Variants in KDM2B observed in about 807,000 individuals in gnomAD.
KDM2B encodes the protein lysine demethylase 2B, also known as lysine-specific demethylase 2B.
In KDM2B, 26 loss-of-function variants were observed where a neutral mutation model predicts 150.0. The ratio of observed to expected loss-of-function variants is 0.17; its 90% CI spans 0.13 to 0.24. The LOEUF is 0.24. KDM2B is among the 10% of genes least tolerant of loss of function. The pLI is 1.00. For synonymous variants in KDM2B, 734 were observed against 729.5 expected (o/e 1.01, Z -0.10); for missense variants, 1,265 against 1,816.9 (o/e 0.70, Z 5.52).
At chr12:121,571,017 G>GAAGT in intron 4 of KDM2B, among the ~76,000 whole-genome samples, 1 of 152,326 alleles carries the variant, frequency 6.6e-6, no homozygotes, top group Non-Finnish European at 1.5e-5. Flanking sequence ...GAAAGAGAGT[G>GAAGT]AAGTACTGCC....
intron 14 of KDM2B, 99 bp downstream of exon 14, chr12:121,445,158 CTCAGGGGTCCTCCAGGAA>C: frequency 8.0e-7 from 1 of 1,254,572 alleles, no homozygotes; most frequent in Non-Finnish European, 1.1e-6. Flanking sequence ...ATCACCCAGA[CTCAGGGGTCCTCCAGGAA>C]TTCACTGCAC....
chr12:121,563,302 GTC>G (rs1480924241), intron 4 of KDM2B, among the ~76,000 whole-genome samples: 1 of 151,712 alleles, frequency 6.6e-6, no homozygotes, highest in East Asian at 1.9e-4. Context: ...GTGAGATGCT[GTC>G]TCAAAAAAAC....
At chr12:121,510,375 A>C (rs1480401815) in intron 10 of KDM2B, among the ~76,000 whole-genome samples, 1 of 151,834 alleles carries the variant, frequency 6.6e-6, no homozygotes, top group Non-Finnish European at 1.5e-5. Flanking sequence ...TCCCGGGTTC[A>C]AGTGATCCTC....
At chr12:121,530,014 G>A (rs1555307575) in intron 8 of KDM2B, among the ~76,000 whole-genome samples, 2 of 151,258 alleles carry the variant, frequency 1.3e-5, no homozygotes, top group African/African-American at 4.9e-5. Context: ...AGATCATGAG[G>A]TCAGGAGATC....
chr12:121,451,307 T>G (rs1324470606), intron 13 of KDM2B, among the ~76,000 whole-genome samples: 3 of 152,228 alleles, frequency 2.0e-5, no homozygotes. Flanking sequence ...TATTTTATTG[T>G]GAGAATACAG....
chr12:121,574,672 C>G, intron 3 of KDM2B, 79 bp from the exon 4 acceptor site: 1 of 1,324,742 alleles, frequency 7.5e-7, no homozygotes, highest in Non-Finnish European at 1.1e-6. Flanking sequence ...GGGGGGAAGC[C>G]ATTTTTCCAA....
In KDM2B at chr12:121,453,778, G is replaced by T. The variant is rs1295748787; in HGVS notation, c.1735-434C>A. Among the ~76,000 whole-genome samples, 1 of 152,138 alleles carries T rather than the reference G, an allele frequency of 6.6e-6. No homozygotes were observed. The highest frequency in any genetic ancestry group is 1.5e-5 in the Non-Finnish European group (1 of 68,016). ...CCCGCCAGCCCACACCTTGACTTCA[G>T]ACTCCTGGCCTCCAGAACCGGGAGA... is the stretch of plus-strand genomic sequence containing the variant. On this transcript the variant is annotated intron_variant, in intron 12 of 22. Coordinates refer to ENST00000377071, the MANE Select transcript of KDM2B (RefSeq NM_032590.5). This position sits in a 1 kb window ranked among gnomAD's most constrained non-coding sequence, Gnocchi z 6.4.
chr12:121,469,765 CA>C (rs1163930846), intron 12 of KDM2B: 1 of 152,026 alleles, frequency 6.6e-6, no homozygotes, highest in Non-Finnish European at 1.5e-5. Flanking sequence ...GTCAAGCCTA[CA>C]GGGGTATAGA....
chr12:121,487,662 A>T (rs1414873097), intron 12 of KDM2B, among the ~76,000 whole-genome samples: 3 of 152,038 alleles, frequency 2.0e-5, no homozygotes, highest in African/African-American at 7.2e-5. Context: ...ACCCTGACCC[A>T]GTAGAGAACC....
At chr12:121,450,398 A>C (rs1384612395) in intron 13 of KDM2B, among the ~76,000 whole-genome samples, 3 of 152,046 alleles carry the variant, frequency 2.0e-5, no homozygotes. Flanking sequence ...TTCTCCAAAG[A>C]AGACAGACAA....
chr12:121,506,070 C>T (rs1175628038), intron 11 of KDM2B, among the ~76,000 whole-genome samples: 1 of 148,074 alleles, frequency 6.8e-6, no homozygotes, highest in South Asian at 2.2e-4. Flanking sequence ...AGTGCAGTGG[C>T]GCACTCATAG....
intron 11 of KDM2B, among the ~76,000 whole-genome samples, chr12:121,505,634 G>C (rs1192117029): frequency 6.6e-6 from 1 of 152,082 alleles, no homozygotes; most frequent in African/African-American, 2.4e-5. Flanking sequence ...GTTGAATTGG[G>C]GGCTGTCTCC....
chr12:121,527,278 A>C (rs1397312337), intron 8 of KDM2B, among the ~76,000 whole-genome samples: 1 of 138,986 alleles, frequency 7.2e-6, no homozygotes, highest in Non-Finnish European at 1.5e-5. Context: ...GGATGGTCTC[A>C]ATCTCCTGAT....
At position 121,467,402 on chromosome 12, in the gene KDM2B, G is replaced by C. The variant is rs1372632252; in HGVS notation, c.1735-14058C>G. 4.2e-6 allele frequency: 4 copies of C among 952,762 alleles called. No individual in the cohort carries two copies. The highest frequency in any genetic ancestry group is 5.0e-6 in the Non-Finnish European group (4 of 802,750). 59.0% of individuals were successfully genotyped at this position (952,762 alleles called of 1,614,324 possible). A position where few individuals can be genotyped will look rare whatever the true frequency, so the allele number is the denominator to read the frequency against. The stretch of plus-strand genomic sequence containing the variant: ...CTGGAGGGGGCGGGGAGGGGCCGGC[G>C]GGGGAGGGCCGGGGCGCCATGCATA... On this transcript the variant is annotated intron_variant, in intron 12 of 22. Transcript: ENST00000377071. This position sits in a 1 kb window ranked among gnomAD's most constrained non-coding sequence, Gnocchi z 5.1.
intron 11 of KDM2B, among the ~76,000 whole-genome samples, chr12:121,495,860 C>T (rs11065598): frequency 0.22 from 33,775 of 151,622 alleles, 6,759 homozygotes; most frequent in African/African-American, 0.54. Flanking sequence ...GATGGAGTCA[C>T]GTGGCCAAAT....
At chr12:121,495,680 A>G (rs1883860795) in intron 11 of KDM2B, among the ~76,000 whole-genome samples, 1 of 152,308 alleles carries the variant, frequency 6.6e-6, no homozygotes, top group Admixed American at 6.5e-5. Context: ...CTACGTACTC[A>G]GCGAAGCAAA....
In KDM2B at chr12:121,452,209, G is replaced by A. The variant is rs1877404726; in HGVS notation, c.1959+911C>T. On this transcript the variant is annotated intron_variant, in intron 13 of 22. Coordinates refer to ENST00000377071, the MANE Select transcript of KDM2B (RefSeq NM_032590.5). This position sits in a 1 kb window ranked among gnomAD's most constrained non-coding sequence, Gnocchi z 4.4. ...AGTTTCAGTTTTGCAAAATGAAAAA[G>A]TTCTAGGGATCAGCTTCCCAAAAAC... is the stretch of plus-strand genomic sequence containing the variant. 6.6e-6 allele frequency among the ~76,000 whole-genome samples: 1 copy of A among 152,178 alleles called. No individual in the cohort carries two copies. Among genetic ancestry groups the A allele is most frequent in the Non-Finnish European group, 1.5e-5 (1 of 68,024 alleles).
intron 12 of KDM2B, among the ~76,000 whole-genome samples, chr12:121,493,605 G>A (rs1366180298): frequency 6.6e-6 from 1 of 152,166 alleles, no homozygotes; most frequent in Non-Finnish European, 1.5e-5. Context: ...TTTGGCCTCT[G>A]CTGCCAAACT....
Position 121,580,960 on chromosome 12 carries a change from T to A in KDM2B, c.-49A>T. 1 of 1,604,828 alleles carries A rather than the reference T, an allele frequency of 6.2e-7. No homozygotes were observed. On this transcript the variant is annotated 5_prime_UTR_variant, in exon 1 of 23. An upstream start codon of the reference 5' UTR is lost. Coordinates refer to ENST00000377071, the MANE Select transcript of KDM2B (RefSeq NM_032590.5). ...CAGAAGGAAATTAGCTCGGCTTCCA[T>A]ACCTATAAGGACTGCCTAACTTTTA...
Sources: gnomAD v4.1 joint callset for allele counts (sites outside exome capture counted in the v4.1 genomes callset) on GRCh38, gnomAD v4.1.1 for gene constraint, Gnocchi (gnomAD v3.1) non-coding constraint, MANE v1.5 for transcripts, NCBI Gene and HGNC (gene_info 2026-07-23, HGNC 2026-07-21) for gene names.